ADGRL2: variants seen among roughly 807,000 people sequenced by gnomAD.
The protein encoded by ADGRL2 is calcium-independent alpha-latrotoxin receptor 2.
A neutral mutation model predicts 157.4 loss-of-function variants in ADGRL2; 44 were observed. That is an observed-to-expected ratio of 0.28 (90% CI 0.22 to 0.36). ADGRL2 has a LOEUF of 0.36. Among genes scored for constraint, ADGRL2 ranks in the 10% least tolerant of loss-of-function variants. The pLI is 1.00. For synonymous variants in ADGRL2, 585 were observed against 624.7 expected (o/e 0.94, Z 0.95); for missense variants, 1,510 against 1,768.9 (o/e 0.85, Z 2.63).
intron 1 of ADGRL2, among the ~76,000 whole-genome samples, chr1:81,815,892 G>A (rs780743301): frequency 2.6e-5 from 4 of 151,596 alleles, no homozygotes; most frequent in Non-Finnish European, 5.9e-5. Flanking sequence ...TAAAACATCC[G>A]ATAACGAAGC....
At chr1:81,365,974 T>C (rs2076059503) in intron 1 of ADGRL2, among the ~76,000 whole-genome samples, 1 of 152,204 alleles carries the variant, frequency 6.6e-6, no homozygotes, top group South Asian at 2.1e-4. Flanking sequence ...TGACTCCTCA[T>C]AGGTTTTTAA....
chr1:81,742,148 G>T (rs370501400), intron 1 of ADGRL2, among the ~76,000 whole-genome samples: 4 of 151,908 alleles, frequency 2.6e-5, no homozygotes, highest in African/African-American at 9.7e-5. Context: ...CTAGCCATAT[G>T]ATTTCTTTAA....
intron 2 of ADGRL2, among the ~76,000 whole-genome samples, chr1:81,895,700 G>A (rs1337154762): frequency 6.6e-6 from 1 of 151,990 alleles, no homozygotes; most frequent in African/African-American, 2.4e-5. Context: ...AGACCTGAAA[G>A]TACCTTTTTA....
chr1:81,942,364 A>G (rs1391908721), intron 5 of ADGRL2, among the ~76,000 whole-genome samples: 1 of 151,738 alleles, frequency 6.6e-6, no homozygotes, highest in Admixed American at 6.6e-5. Flanking sequence ...AACCCTCTCC[A>G]TAGCATGCCA....
chr1:81,532,065 C>T (rs904612680), intron 2 of ADGRL2, among the ~76,000 whole-genome samples: 1 of 152,144 alleles, frequency 6.6e-6, no homozygotes, highest in African/African-American at 2.4e-5. Flanking sequence ...TTTACAAGCT[C>T]CATGGCTTTA....
chr1:81,826,775 T>C (rs2091520185), intron 1 of ADGRL2, among the ~76,000 whole-genome samples: 1 of 152,108 alleles, frequency 6.6e-6, no homozygotes, highest in Non-Finnish European at 1.5e-5. Flanking sequence ...GGAAAGGACA[T>C]TTTAAAATTT....
At chr1:81,502,564 C>G in intron 2 of ADGRL2, 1 of 1,613,958 alleles carries the variant, frequency 6.2e-7, no homozygotes, top group Non-Finnish European at 8.5e-7. Flanking sequence ...AGAAGGGGGG[C>G]CTGGTGGAGA....
intron 5 of ADGRL2, 164 bp from the exon 6 acceptor site, chr1:81,942,805 C>A: frequency 1.5e-6 from 1 of 688,936 alleles, no homozygotes; most frequent in South Asian, 1.5e-5. Context: ...ACTGATTATG[C>A]TAACTTTAGA....
chr1:81,602,752 G>A (rs928546746), intron 3 of ADGRL2, among the ~76,000 whole-genome samples: 1 of 151,466 alleles, frequency 6.6e-6, no homozygotes, highest in Non-Finnish European at 1.5e-5. Context: ...TACAAAACTA[G>A]CCAGACGAGA....
intron 1 of ADGRL2, among the ~76,000 whole-genome samples, chr1:81,440,120 G>A (rs1328832663): frequency 2.6e-5 from 4 of 152,164 alleles, no homozygotes; most frequent in Admixed American, 2.0e-4. Context: ...ATTAGGAAAG[G>A]GTAGGTATAT....
At chr1:81,338,015 T>C (rs1407797800) in intron 1 of ADGRL2, among the ~76,000 whole-genome samples, 1 of 152,232 alleles carries the variant, frequency 6.6e-6, no homozygotes, top group Non-Finnish European at 1.5e-5. Flanking sequence ...ATTTGTTTTA[T>C]ACAATTATTT....
intron 2 of ADGRL2, among the ~76,000 whole-genome samples, chr1:81,500,920 A>C (rs1186447826): frequency 6.6e-6 from 1 of 152,210 alleles, no homozygotes; most frequent in East Asian, 1.9e-4. Flanking sequence ...ATCCAAAACT[A>C]ATAGTCTGAG....
intron 1 of ADGRL2, among the ~76,000 whole-genome samples, chr1:81,307,055 A>G (rs1659389033): frequency 6.6e-6 from 1 of 152,234 alleles, no homozygotes; most frequent in Non-Finnish European, 1.5e-5. Context: ...CACCATTTTA[A>G]AATTGTTACT....
intron 2 of ADGRL2, among the ~76,000 whole-genome samples, chr1:81,889,477 G>A (rs960797297): frequency 2.0e-5 from 3 of 152,188 alleles, no homozygotes; most frequent in Non-Finnish European, 2.9e-5. Flanking sequence ...TTCTATGAAC[G>A]CTGAGAGGTG....
chr1:81,376,746 A>G (rs778454426), intron 1 of ADGRL2, among the ~76,000 whole-genome samples: 10 of 152,108 alleles, frequency 6.6e-5, no homozygotes, highest in Non-Finnish European at 1.3e-4. Context: ...TGTACACCCC[A>G]GGGGCTGATC....
intron 3 of ADGRL2, among the ~76,000 whole-genome samples, chr1:81,637,927 C>A (rs1179994508): frequency 6.8e-6 from 1 of 147,384 alleles, no homozygotes; most frequent in African/African-American, 2.5e-5. Context: ...TTTTTTTTGT[C>A]TAACTAACAA....
chr1:81,322,406 C>G (rs1030183972), intron 1 of ADGRL2, among the ~76,000 whole-genome samples: 1 of 151,632 alleles, frequency 6.6e-6, no homozygotes, highest in Non-Finnish European at 1.5e-5. Flanking sequence ...GTGATAAGTG[C>G]GTAATGATGT....
At chr1:81,632,526 A>AG (rs2082030606) in intron 3 of ADGRL2, among the ~76,000 whole-genome samples, 1 of 152,238 alleles carries the variant, frequency 6.6e-6, no homozygotes, top group African/African-American at 2.4e-5. Flanking sequence ...TGGGAGGCCG[A>AG]GGCGGGCAGA....
intron 13 of ADGRL2, among the ~76,000 whole-genome samples, chr1:81,967,354 C>T (rs570209605): frequency 7.4e-4 from 113 of 151,958 alleles, no homozygotes; most frequent in African/African-American, 2.4e-3. Flanking sequence ...CTCCACCTCC[C>T]GGGTTCACGC....
Sources: gnomAD v4.1 joint callset for allele counts (sites outside exome capture counted in the v4.1 genomes callset) on GRCh38, gnomAD v4.1.1 for gene constraint, MANE v1.5 for transcripts, NCBI Gene and HGNC (gene_info 2026-07-23, HGNC 2026-07-21) for gene names.